S100A8: variants seen among roughly 807,000 people sequenced by gnomAD.
S100A8 encodes S100 calcium binding protein A8, also known as protein S100-A8.
S100A8 carries 1 observed loss-of-function variant against 4.2 expected under a neutral mutation model. That is an observed-to-expected ratio of 0.24 (90% CI 0.08 to 1.12). S100A8 has a LOEUF of 1.12. Ranked by LOEUF, S100A8 falls within the 50% of genes most tolerant of loss-of-function variation. The pLI is 0.53. For synonymous variants in S100A8, 41 were observed against 44.7 expected, an observed-to-expected ratio of 0.92 and a Z score of 0.33; for missense variants, 96 against 111.8, an observed-to-expected ratio of 0.86 and a Z score of 0.64.
chr1:153,396,041 C>T (rs537955077), upstream of S100A8, among the ~76,000 whole-genome samples: 20 of 152,224 alleles, frequency 1.3e-4, no homozygotes, highest in Non-Finnish European at 2.2e-4. Context: ...CGAGGCCTCG[C>T]TATCTCCCCA....
At position 153,390,091 on chromosome 1, in the gene S100A8, C is replaced by G; in HGVS notation, c.*12G>C. The G allele has an allele frequency of 1.2e-6, 2 of 1,607,702 alleles. No homozygotes were observed. The highest frequency in any genetic ancestry group is 4.5e-5 in the East Asian group (2 of 44,748). ...ATGTCCAGGGGCCCAGCCTCTGGGC[C>G]CAGTAACTCAGCTACTCTTTGTGGC... On this transcript the variant is annotated 3_prime_UTR_variant, in exon 3 of 3. Transcript: ENST00000368733.
At chr1:153,394,138 T>G (rs1662164115), upstream of S100A8, among the ~76,000 whole-genome samples, 1 of 152,166 alleles carries the variant, frequency 6.6e-6, no homozygotes, top group Non-Finnish European at 1.5e-5. Context: ...GAGCGGAACC[T>G]GGTCATGTTT....
At chr1:153,418,017 G>T in the S100A8 span, 2 of 1,599,488 alleles carry the variant, frequency 1.3e-6, no homozygotes, top group South Asian at 2.2e-5. Flanking sequence ...CCCACATAGA[G>T]ACCTTAATTC....
chr1:153,411,745 C>T, the S100A8 span, among the ~76,000 whole-genome samples: 1,725 of 152,244 alleles, frequency 0.011, 34 homozygotes, highest in African/African-American at 0.039. Context: ...TACAAGGCTA[C>T]AGTAATCAAA....
chr1:153,397,073 C>G, the S100A8 span, among the ~76,000 whole-genome samples: 1 of 152,246 alleles, frequency 6.6e-6, no homozygotes, highest in Non-Finnish European at 1.5e-5. Flanking sequence ...ACTAGCATCC[C>G]AGACGACTTC....
the S100A8 span, among the ~76,000 whole-genome samples, chr1:153,401,206 T>A: frequency 8.5e-5 from 13 of 152,250 alleles, no homozygotes; most frequent in East Asian, 2.5e-3. Flanking sequence ...TTTATCAAAA[T>A]TTGTCTTATG....
At chr1:153,420,180 C>G in the S100A8 span, 1 of 152,194 alleles carries the variant, frequency 6.6e-6, no homozygotes, top group African/African-American at 2.4e-5. Context: ...TGCAGCACCT[C>G]TATCTCGCAG....
At chr1:153,410,138 A>G in the S100A8 span, among the ~76,000 whole-genome samples, 1 of 152,218 alleles carries the variant, frequency 6.6e-6, no homozygotes, top group Non-Finnish European at 1.5e-5. Context: ...TCAGAGCAGA[A>G]CTGAAGGAGA....
At chr1:153,419,558 G>A in the S100A8 span, 1 of 510,976 alleles carries the variant, frequency 2.0e-6, no homozygotes. Flanking sequence ...CCTGGTGTCT[G>A]CCTCTGCACC....
chr1:153,394,477 G>A (rs1028807638), upstream of S100A8, among the ~76,000 whole-genome samples: 22 of 152,142 alleles, frequency 1.4e-4, no homozygotes, highest in African/African-American at 5.3e-4. Flanking sequence ...AGCCCCACAG[G>A]CCCCAATTCT....
At chr1:153,413,264 T>A in the S100A8 span, among the ~76,000 whole-genome samples, 1 of 152,258 alleles carries the variant, frequency 6.6e-6, no homozygotes, top group African/African-American at 2.4e-5. Context: ...TGCACGTGTA[T>A]ATAAATAAAT....
chr1:153,400,371 C>T, the S100A8 span, among the ~76,000 whole-genome samples: 1 of 152,102 alleles, frequency 6.6e-6, no homozygotes, highest in Non-Finnish European at 1.5e-5. Context: ...GGTGGGGTCC[C>T]CTCTGCCAAC....
chr1:153,414,059 G>A, the S100A8 span, among the ~76,000 whole-genome samples: 5 of 151,310 alleles, frequency 3.3e-5, no homozygotes, highest in Non-Finnish European at 7.4e-5. Flanking sequence ...GATTCCTTTT[G>A]TATTGCATTT....
the S100A8 span, among the ~76,000 whole-genome samples, chr1:153,399,687 A>T: frequency 9.5e-4 from 144 of 152,332 alleles, no homozygotes; most frequent in African/African-American, 3.3e-3. Flanking sequence ...GGCACATGGA[A>T]GCCAACTGAG....
upstream of S100A8, among the ~76,000 whole-genome samples, chr1:153,391,418 A>G (rs889445637): frequency 2.0e-5 from 3 of 152,120 alleles, no homozygotes; most frequent in African/African-American, 4.8e-5. Flanking sequence ...TGGTCAGGCC[A>G]TACATCCCTG....
the S100A8 span, chr1:153,419,302 G>C: frequency 3.1e-6 from 5 of 1,614,054 alleles, no homozygotes; most frequent in Non-Finnish European, 4.2e-6. Context: ...TCTGGGGGAA[G>C]CCAGTGATCC....
chr1:153,418,745 G>A, the S100A8 span, among the ~76,000 whole-genome samples: 28 of 152,316 alleles, frequency 1.8e-4, no homozygotes, highest in African/African-American at 6.7e-4. Context: ...AAAAGGAGAA[G>A]AAAGGAGAGG....
chr1:153,395,004 A>G (rs1057494869), upstream of S100A8, among the ~76,000 whole-genome samples: 1 of 151,848 alleles, frequency 6.6e-6, no homozygotes, highest in Admixed American at 6.6e-5. Flanking sequence ...GGCAGAGGAG[A>G]CCCTCCCTAA....
the S100A8 span, among the ~76,000 whole-genome samples, chr1:153,411,042 T>C: frequency 1.3e-5 from 2 of 152,172 alleles, no homozygotes; most frequent in Admixed American, 1.3e-4. Flanking sequence ...GGGCAAAAAC[T>C]GGAAGCATTC....
Sources: allele counts gnomAD v4.1 joint callset (sites outside exome capture counted in the v4.1 genomes callset), GRCh38; gene constraint gnomAD v4.1.1; transcripts MANE v1.5; gene names NCBI Gene and HGNC (gene_info 2026-07-23, HGNC 2026-07-21).